Variants in PLCH1 observed in about 807,000 individuals in gnomAD.
PLCH1 encodes the protein 1-phosphatidylinositol 4,5-bisphosphate phosphodiesterase eta-1.
A neutral mutation model predicts 126.7 loss-of-function variants in PLCH1; 60 were observed. That is an observed-to-expected ratio of 0.47 (90% CI 0.38 to 0.59). The LOEUF (loss-of-function observed/expected upper bound fraction) is 0.59. Ranked by LOEUF, PLCH1 falls within the 20% of genes least tolerant of loss-of-function variation. The probability of loss-of-function intolerance (pLI) is 0.00; values close to 1 mark genes in which losing one functional copy is unlikely to be tolerated. For missense variants in PLCH1, 1,723 were observed against 2,040.0 expected, an observed-to-expected ratio of 0.84 and a Z score of 2.99; for synonymous variants, 719 against 734.9, an observed-to-expected ratio of 0.98 and a Z score of 0.35.
chr3:155,681,262 A>G (rs1744510178), intron 2 of PLCH1, among the ~76,000 whole-genome samples: 2 of 152,212 alleles, frequency 1.3e-5, no homozygotes, highest in Admixed American at 6.5e-5. Flanking sequence ...TCCCACTAAT[A>G]TAATATGGAA....
At position 155,631,902 on chromosome 3, in the gene PLCH1, C is replaced by CTT. The variant is rs60843505; in HGVS notation, c.80-35526_80-35525dup. On this transcript the variant is annotated intron_variant, in intron 2 of 22. Transcript: ENST00000460012. ...CGTGAACAAGTGACCACAAGAACTCCTTTTTTTTTTTTTTTTTGTCTTGAA... is the reference window on the plus strand; with the variant it reads ...CGTGAACAAGTGACCACAAGAACTCCTTTTTTTTTTTTTTTTTTTGTCTTGAA... 1.2e-4 allele frequency among the ~76,000 whole-genome samples: 17 copies of CTT among 140,858 alleles called. No homozygotes were observed. In the South Asian group the frequency reaches 2.7e-3, roughly 22 times the overall value. 92.4% of individuals were successfully genotyped at this position (140,858 alleles called of 152,430 possible).
intron 2 of PLCH1, among the ~76,000 whole-genome samples, chr3:155,639,037 A>T (rs1459267196): frequency 6.6e-6 from 1 of 152,216 alleles, no homozygotes; most frequent in East Asian, 1.9e-4. Flanking sequence ...ATGCATCTCT[A>T]TATTACAGCA....
intron 1 of PLCH1, among the ~76,000 whole-genome samples, chr3:155,735,877 A>C (rs1176744695): frequency 6.6e-6 from 1 of 152,184 alleles, no homozygotes; most frequent in Admixed American, 6.5e-5. Context: ...AACACACAAG[A>C]AACTAATAAC....
chr3:155,523,251 C>T (rs907061196), intron 11 of PLCH1, among the ~76,000 whole-genome samples: 61 of 152,206 alleles, frequency 4.0e-4, no homozygotes, highest in African/African-American at 1.1e-3. Flanking sequence ...GCTGGGATTA[C>T]AGGCGTGAGC....
intron 8 of PLCH1, among the ~76,000 whole-genome samples, chr3:155,560,560 G>A (rs1727435053): frequency 6.6e-6 from 1 of 152,102 alleles, no homozygotes; most frequent in Non-Finnish European, 1.5e-5. Flanking sequence ...TCTGTATGCA[G>A]GTAGTTTTTA....
At chr3:155,497,882 T>G (rs1334356976) in intron 14 of PLCH1, among the ~76,000 whole-genome samples, 3 of 152,064 alleles carry the variant, frequency 2.0e-5, no homozygotes, top group Non-Finnish European at 4.4e-5. Context: ...GCCAGCTAAT[T>G]TTTTGTAATT....
rs1376561847 is a variant in PLCH1, at chr3:155,491,009, T to C, written c.2308-141A>G. 11 of 581,730 alleles carry C rather than the reference T, an allele frequency of 1.9e-5. No individual in the cohort carries two copies. The African/African-American group carries it at 2.1e-4, about 11-fold the overall frequency. The allele number at this position is 581,730 out of a possible 1,614,324, so 36.0% of individuals were successfully genotyped here. On this transcript the variant is annotated intron_variant, in intron 18 of 22. Transcript: ENST00000460012. ...GCTTAGTAAGAAAAAGAAATGGTAC[T>C]AGGTGTGGTGGATTCAGATATATGA...
chr3:155,687,368 A>C (rs897783769), intron 2 of PLCH1, among the ~76,000 whole-genome samples: 13 of 152,204 alleles, frequency 8.5e-5, no homozygotes, highest in Non-Finnish European at 1.6e-4. Context: ...CTTCATGAAT[A>C]CTAAAGATGA....
chr3:155,499,588 G>A (rs192911580), intron 14 of PLCH1, among the ~76,000 whole-genome samples: 1 of 152,180 alleles, frequency 6.6e-6, no homozygotes, highest in Admixed American at 6.5e-5. Context: ...ATCTATTATG[G>A]GAAAATCTAT....
At chr3:155,609,876 T>C (rs1734820877) in intron 2 of PLCH1, among the ~76,000 whole-genome samples, 1 of 151,978 alleles carries the variant, frequency 6.6e-6, no homozygotes, top group Non-Finnish European at 1.5e-5. Context: ...AGAACAAAGC[T>C]TCCAAGTAAT....
At chr3:155,714,283 G>A (rs1265126066) in intron 1 of PLCH1, among the ~76,000 whole-genome samples, 2 of 142,226 alleles carry the variant, frequency 1.4e-5, no homozygotes, top group Non-Finnish European at 3.1e-5. Context: ...ACAGGGCAGG[G>A]ATGGGGTGGG....
chr3:155,522,240 G>A (rs1678064295), intron 11 of PLCH1, among the ~76,000 whole-genome samples: 1 of 151,606 alleles, frequency 6.6e-6, no homozygotes, highest in South Asian at 2.1e-4. Context: ...TAAAAAAAAA[G>A]CTAAATTATC....
In PLCH1 at chr3:155,626,381, C is replaced by T. The variant is rs558212727; in HGVS notation, c.80-30003G>A. Among the ~76,000 whole-genome samples, 5 of 152,246 alleles carry T rather than the reference C, an allele frequency of 3.3e-5. No homozygotes were observed. The South Asian group carries it at 6.2e-4, about 19-fold the overall frequency. On this transcript the variant is annotated intron_variant, in intron 2 of 22. Coordinates refer to ENST00000460012, the MANE Select transcript of PLCH1 (RefSeq NM_014996.4). ...CTATACAATTTTAAACACATAAGTACTGCCATATAACTAACTCGGTCCTCC... is the reference window on the plus strand; with the variant it reads ...CTATACAATTTTAAACACATAAGTATTGCCATATAACTAACTCGGTCCTCC...
intron 1 of PLCH1, among the ~76,000 whole-genome samples, chr3:155,730,769 C>G (rs982662587): frequency 6.6e-6 from 1 of 152,160 alleles, no homozygotes; most frequent in Admixed American, 6.5e-5. Flanking sequence ...AAATAAGAAA[C>G]CACATTGAAA....
chr3:155,652,308 A>G (rs1042431007), intron 2 of PLCH1, among the ~76,000 whole-genome samples: 5 of 152,278 alleles, frequency 3.3e-5, no homozygotes, highest in East Asian at 1.9e-4. Flanking sequence ...GCACAGTATC[A>G]TTTATCTAAT....
chr3:155,468,838 C>T (rs928352372), intron 21 of PLCH1, among the ~76,000 whole-genome samples: 3 of 152,082 alleles, frequency 2.0e-5, no homozygotes. Flanking sequence ...CATCAACACT[C>T]CACTTTCAGC....
intron 13 of PLCH1, among the ~76,000 whole-genome samples, chr3:155,502,710 T>TA (rs1241408873): frequency 6.6e-6 from 1 of 152,224 alleles, no homozygotes. Flanking sequence ...CCATAGAATC[T>TA]ACTTCTCATC....
chr3:155,636,855 G>A (rs572304853), intron 2 of PLCH1, among the ~76,000 whole-genome samples: 1 of 152,038 alleles, frequency 6.6e-6, no homozygotes, highest in African/African-American at 2.4e-5. Context: ...CATAAGTGTA[G>A]ATATATTGAA....
rs189750937 is a variant in PLCH1 at position 155,602,570 on chromosome 3, C to G, written c.80-6192G>C. 1.4e-3 allele frequency among the ~76,000 whole-genome samples: 212 copies of G among 152,256 alleles called. 1 individual carries two copies. Among genetic ancestry groups the G allele is most frequent in the Non-Finnish European group, 2.9e-4 (20 of 68,026 alleles). ...ATTCACACAGACCTAGATTGCATAG[C>G]CTATTGCACGTCTAGGCTGTATGGT... On this transcript the variant is annotated intron_variant, in intron 2 of 22. Transcript: ENST00000460012.
Sources: allele counts gnomAD v4.1 joint callset (sites outside exome capture counted in the v4.1 genomes callset), GRCh38; gene constraint gnomAD v4.1.1; transcripts MANE v1.5; gene names NCBI Gene and HGNC (gene_info 2026-07-23, HGNC 2026-07-21).